The following KLK11 variants were observed in gnomAD, a reference collection of about 807,000 sequenced individuals.
KLK11 encodes the protein kallikrein-11.
A neutral mutation model predicts 23.4 loss-of-function variants in KLK11; 10 were observed. The observed-to-expected ratio is 0.43, with a 90% CI of 0.26 to 0.73. The LOEUF is 0.73. Ranked by LOEUF, KLK11 falls within the 30% of genes least tolerant of loss-of-function variation. The probability of loss-of-function intolerance (pLI) is 0.22; values close to 1 mark genes in which losing one functional copy is unlikely to be tolerated. For missense variants in KLK11, 285 were observed against 327.8 expected, an observed-to-expected ratio of 0.87 and a Z score of 1.01; for synonymous variants, 131 against 131.7, an observed-to-expected ratio of 0.99 and a Z score of 0.03.
In KLK11 at chr19:51,024,080, A is replaced by T. The variant is rs749835027; in HGVS notation, c.428T>A (p.Leu143His). 6.4e-7 allele frequency: 1 copy of T among 1,559,198 alleles called. No individual in the cohort carries two copies. Among genetic ancestry groups the T allele is most frequent in the Admixed American group, 1.8e-5 (1 of 56,424 alleles). ...SRCVTAGTSCLISGWGSTSSP... is the reference protein window; with the variant it reads ...SRCVTAGTSCHISGWGSTSSP... ...GGACGTGCTGCCCCAGCCGGAAATGAGGCAGCTGGTGCCAGCAGTGACACA... is the reference window on the plus strand; with the variant it reads ...GGACGTGCTGCCCCAGCCGGAAATGTGGCAGCTGGTGCCAGCAGTGACACA... Residue 143 changes from leucine to histidine, a missense_variant, in exon 4 of 6, where the codon CTC (leucine) becomes CAC (histidine). Coordinates refer to ENST00000453757, the MANE Select transcript of KLK11 (RefSeq NM_001136032.3). This position sits in a 1 kb window ranked among gnomAD's most constrained non-coding sequence, Gnocchi z 6.2.
At chr19:51,023,891 G>T (rs1466322517) in intron 4 of KLK11, 154 bp downstream of exon 4, 2 of 630,014 alleles carry the variant, frequency 3.2e-6, no homozygotes, top group African/African-American at 1.8e-5. Context: ...CCCAACTTTT[G>T]TCCCCACCCC....
chr19:51,026,463 G>A (rs1036067092), intron 1 of KLK11, 75 bp downstream of exon 1: 16 of 640,604 alleles, frequency 2.5e-5, no homozygotes, highest in African/African-American at 4.0e-5. Context: ...ATGGGTGCCC[G>A]AGTGGGACAG....
At position 51,023,885 on chromosome 19, in the gene KLK11, A is replaced by G. The variant is rs181450619; in HGVS notation, c.463+160T>C. 268 of 592,372 alleles carry G rather than the reference A, an allele frequency of 4.5e-4. 1 individual carries two copies. Among genetic ancestry groups the G allele is most frequent in the Non-Finnish European group, 6.4e-4 (236 of 367,130 alleles). 36.7% of individuals were successfully genotyped at this position (592,372 alleles called of 1,614,324 possible). On this transcript the variant is annotated intron_variant, in intron 4 of 5. Transcript: ENST00000453757. ...CCGTCCGTCTGACTCCAAGGCCCCA[A>G]CTTTTGTCCCCACCCCCCTATCCTG...
At chr19:51,023,337 C>A in intron 4 of KLK11, 109 bp from the exon 5 acceptor site, 2 of 1,293,060 alleles carry the variant, frequency 1.5e-6, no homozygotes, top group Non-Finnish European at 2.1e-6. Context: ...TAGACGCAGC[C>A]AACTCACCTC....
chr19:51,024,773 C>G lies in KLK11; in HGVS notation c.62G>C (p.Arg21Thr). 6.3e-7 allele frequency: 1 copy of G among 1,595,502 alleles called. No homozygotes were observed. Among genetic ancestry groups the G allele is most frequent in the Non-Finnish European group, 8.5e-7 (1 of 1,173,936 alleles). ...CTTGCACTCGAACCCCTTGATGATC[C>G]TGGTCTCTCCCCCTACAAGCCCTGG... ...LATGLVGGET[R>T]IIKGFECKPH... The change falls in exon 3 of 6, where the codon AGG (arginine) becomes ACG (threonine). Residue 21 changes from arginine to threonine, a missense_variant. Physicochemically the swap from Arg to Thr is moderately conservative, Grantham distance 71 (BLOSUM62 -1). Transcript: ENST00000453757. This position sits in a 1 kb window ranked among gnomAD's most constrained non-coding sequence, Gnocchi z 6.2.
chr19:51,025,648 G>A lies in KLK11; in HGVS notation c.-17C>T, dbSNP rs759212241. ...AATCCTCATGGCCTGGAGGGGGGAG[G>A]AGCGGGCCCCAGGTTCCTCTGGGAA... On this transcript the variant is annotated 5_prime_UTR_variant, in exon 2 of 6. Transcript: ENST00000453757. This position sits in a 1 kb window ranked among gnomAD's most constrained non-coding sequence, Gnocchi z 6.2. 5.1e-6 allele frequency: 8 copies of A among 1,582,818 alleles called. No homozygotes were observed. Among genetic ancestry groups the A allele is most frequent in the Non-Finnish European group, 6.9e-6 (8 of 1,164,556 alleles).
chr19:51,023,065 G>A (rs751298552), intron 5 of KLK11, 27 bp downstream of exon 5: 1 of 1,583,152 alleles, frequency 6.3e-7, no homozygotes, highest in Non-Finnish European at 8.6e-7. Context: ...GGATGGGGAT[G>A]GGGCTGTGGT....
chr19:51,027,636 G>A, upstream of KLK11: 1 of 1,242,408 alleles, frequency 8.0e-7, no homozygotes, highest in South Asian at 1.3e-5. Context: ...GCAGGGGAGG[G>A]CCTAGGTTCT....
intron 1 of KLK11, among the ~76,000 whole-genome samples, 152 bp downstream of exon 1, chr19:51,026,386 A>T (rs1318825550): frequency 1.3e-5 from 2 of 151,764 alleles, no homozygotes; most frequent in Non-Finnish European, 2.9e-5. Flanking sequence ...CAGCCATCGG[A>T]GGTGAGAGGT....
At chr19:51,027,388 C>T (rs1286065368), upstream of KLK11, 3 of 1,526,720 alleles carry the variant, frequency 2.0e-6, no homozygotes, top group Admixed American at 5.0e-5. Flanking sequence ...GGCCTCGCTC[C>T]TCTGCTGACC....
Position 51,024,857 on chromosome 19 carries a change from C to A in KLK11, c.41-63G>T. The stretch of plus-strand genomic sequence containing the variant: ...GAGAGGTGGTAGACCAGGAGGACTC[C>A]CAGAAATGGGGGTGGGGAGGAGAGA... On this transcript the variant is annotated intron_variant, in intron 2 of 5. Coordinates refer to ENST00000453757, the MANE Select transcript of KLK11 (RefSeq NM_001136032.3). This position sits in a 1 kb window ranked among gnomAD's most constrained non-coding sequence, Gnocchi z 6.2. 7.0e-7 allele frequency: 1 copy of A among 1,437,842 alleles called. No homozygotes were observed. Among genetic ancestry groups the A allele is most frequent in the African/African-American group, 1.5e-5 (1 of 67,758 alleles). The allele number at this position is 1,437,842 out of a possible 1,614,324, so 89.1% of individuals were successfully genotyped here. A position where few individuals can be genotyped will look rare whatever the true frequency, so the allele number is the denominator to read the frequency against.
chr19:51,027,647 G>C, upstream of KLK11: 11 of 1,052,142 alleles, frequency 1.0e-5, 1 homozygote, highest in South Asian at 1.1e-4. Context: ...CCTAGGTTCT[G>C]ACAGCAGCCA....
Position 51,025,674 on chromosome 19 carries a change from C to A in KLK11, c.-35-8G>T. ...AGCGGGCCCCAGGTTCCTCTGGGAA[C>A]AAGGAGGGACATGGGGCCGCATCAC... is the stretch of plus-strand genomic sequence containing the variant. On this transcript the variant is annotated splice_region_variant and splice_polypyrimidine_tract_variant and intron_variant, in intron 1 of 5. Coordinates refer to ENST00000453757, the MANE Select transcript of KLK11 (RefSeq NM_001136032.3). The surrounding 1 kb of genome is among the most constrained non-coding windows in gnomAD (Gnocchi z 6.2). 6 of 1,497,642 alleles carry A rather than the reference C, an allele frequency of 4.0e-6. No individual in the cohort carries two copies. The highest frequency in any genetic ancestry group is 1.4e-5 in the African/African-American group (1 of 70,962). 92.8% of individuals were successfully genotyped at this position (1,497,642 alleles called of 1,614,324 possible).
upstream of KLK11, chr19:51,027,738 T>C: frequency 1.9e-6 from 1 of 518,682 alleles, no homozygotes; most frequent in Non-Finnish European, 3.4e-6. Context: ...ACTCCACCCC[T>C]GCAAGGCTCA....
chr19:51,023,203 G>A lies in KLK11; in HGVS notation c.489C>T (p.Cys163=), dbSNP rs148855454. Residue 163 remains cysteine (C), a synonymous_variant, in exon 5 of 6, where the codon TGC becomes TGT. Coordinates refer to ENST00000453757, the MANE Select transcript of KLK11 (RefSeq NM_001136032.3). ...GGTGCTCAATGATGGTGATGTTGGCGCATCGCAAGGTGTGAGGCAGGCGTA... is the reference window on the plus strand; with the variant it reads ...GGTGCTCAATGATGGTGATGTTGGCACATCGCAAGGTGTGAGGCAGGCGTA... ...PQLRLPHTLR[C]ANITIIEHQK... is the part of the protein sequence containing the mutation. The A allele has an allele frequency of 9.9e-6, 16 of 1,613,278 alleles. No homozygotes were observed. The highest frequency in any genetic ancestry group is 8.3e-5 in the Admixed American group (5 of 59,958).
Position 51,025,654 on chromosome 19 carries a change from G to A in KLK11, c.-23C>T, listed in dbSNP as rs2091472848. 2 of 1,575,524 alleles carry A rather than the reference G, an allele frequency of 1.3e-6. No homozygotes were observed. Among genetic ancestry groups the A allele is most frequent in the South Asian group, 1.2e-5 (1 of 85,324 alleles). Reference sequence around the variant, plus strand: ...CATGGCCTGGAGGGGGGAGGAGCGGGCCCCAGGTTCCTCTGGGAACAAGGA... The same window carrying A: ...CATGGCCTGGAGGGGGGAGGAGCGGACCCCAGGTTCCTCTGGGAACAAGGA... On this transcript the variant is annotated 5_prime_UTR_variant, in exon 2 of 6. Transcript: ENST00000453757. This position sits in a 1 kb window ranked among gnomAD's most constrained non-coding sequence, Gnocchi z 6.2.
chr19:51,024,479 C>A lies in KLK11; in HGVS notation c.197+159G>T, dbSNP rs998869650. ...ATAGCCCCATCCCAACCCCATTCATCCCCCCACCTTCAATACCAACTCGAG... is the reference window on the plus strand; with the variant it reads ...ATAGCCCCATCCCAACCCCATTCATACCCCCACCTTCAATACCAACTCGAG... On this transcript the variant is annotated intron_variant, in intron 3 of 5. Transcript: ENST00000453757. This position sits in a 1 kb window ranked among gnomAD's most constrained non-coding sequence, Gnocchi z 6.2. The A allele has an allele frequency of 4.0e-5, 48 of 1,191,174 alleles. No homozygotes were observed. Among genetic ancestry groups the A allele is most frequent in the Non-Finnish European group, 5.2e-5 (45 of 868,570 alleles). The allele number at this position is 1,191,174 out of a possible 1,614,324, so 73.8% of individuals were successfully genotyped here. A position where few individuals can be genotyped will look rare whatever the true frequency, so the allele number is the denominator to read the frequency against.
intron 4 of KLK11, chr19:51,023,637 G>A (rs1468253728): frequency 9.4e-6 from 2 of 213,594 alleles, no homozygotes; most frequent in Non-Finnish European, 9.2e-6. Flanking sequence ...TTCCCACCTC[G>A]GCCTCCCAAA....
At chr19:51,027,362 C>T (rs2091501706), upstream of KLK11, 2 of 1,302,600 alleles carry the variant, frequency 1.5e-6, no homozygotes, top group Admixed American at 1.7e-5. Flanking sequence ...TGTGCTCCAC[C>T]CCAGGGCTCC....
Sources: allele counts gnomAD v4.1 joint callset (sites outside exome capture counted in the v4.1 genomes callset), GRCh38; gene constraint gnomAD v4.1.1; non-coding constraint Gnocchi (gnomAD v3.1); transcripts MANE v1.5; gene names NCBI Gene and HGNC (gene_info 2026-07-23, HGNC 2026-07-21).